AVL9: variants seen among roughly 807,000 people sequenced by gnomAD.
AVL9 encodes the protein AVL9 cell migration associated.
AVL9 carries 49 observed loss-of-function variants against 79.2 expected under a neutral mutation model. The observed-to-expected ratio is 0.62, with a 90% confidence interval of 0.49 to 0.79. The LOEUF (loss-of-function observed/expected upper bound fraction) is 0.79, where lower values mean the gene tolerates loss of function less well. AVL9 is among the 30% of genes least tolerant of loss of function. The pLI is 0.00. For synonymous variants in AVL9, 299 were observed against 280.6 expected (o/e 1.07, Z -0.65); for missense variants, 682 against 776.8 (o/e 0.88, Z 1.45).
intron 10 of AVL9, among the ~76,000 whole-genome samples, chr7:32,568,879 TAG>T (rs1372135399): frequency 1.3e-5 from 2 of 152,200 alleles, no homozygotes; most frequent in African/African-American, 4.8e-5. Context: ...TGCAAAGGTA[TAG>T]ATTTATTTTT....
At chr7:32,575,832 A>C (rs906611829) in intron 12 of AVL9, 123 bp from the exon 13 acceptor site, 1 of 656,156 alleles carries the variant, frequency 1.5e-6, no homozygotes, top group East Asian at 2.7e-5. Flanking sequence ...CTGGTAGGCT[A>C]TCTCCCCACA....
chr7:32,570,771 C>A (rs1229843032), intron 11 of AVL9, among the ~76,000 whole-genome samples: 1 of 151,394 alleles, frequency 6.6e-6, no homozygotes, highest in African/African-American at 2.4e-5. Context: ...AAGTGCCCGC[C>A]ACCACGCTCG....
chr7:32,495,680 AGTC>A lies in AVL9; in HGVS notation c.-24_-22del, dbSNP rs1786762876. On this transcript the variant is annotated 5_prime_UTR_variant, in exon 1 of 16. Transcript: ENST00000318709. ...CAGACCCGCTGCCCTTGGCGGTCGAAGTCGTCGTGCGGGCCCGCGGCGGCCGCC... is the reference window on the plus strand; with the variant it reads ...CAGACCCGCTGCCCTTGGCGGTCGAAGTCGTGCGGGCCCGCGGCGGCCGCC... 4.8e-6 allele frequency: 6 copies of A among 1,249,050 alleles called. No homozygotes were observed. Among genetic ancestry groups the A allele is most frequent in the African/African-American group, 1.6e-5 (1 of 64,460 alleles). The allele number at this position is 1,249,050 out of a possible 1,614,324, so 77.4% of individuals were successfully genotyped here. A position where few individuals can be genotyped will look rare whatever the true frequency, so the allele number is the denominator to read the frequency against.
At chr7:32,561,087 A>G (rs1007885786) in intron 10 of AVL9, among the ~76,000 whole-genome samples, 7 of 152,184 alleles carry the variant, frequency 4.6e-5, no homozygotes, top group East Asian at 3.8e-4. Context: ...CAGATTTAGC[A>G]TAACTCTGAA....
At chr7:32,507,961 A>T (rs1187028508) in intron 1 of AVL9, among the ~76,000 whole-genome samples, 2 of 151,950 alleles carry the variant, frequency 1.3e-5, no homozygotes, top group African/African-American at 4.8e-5. Context: ...TTTACATCAC[A>T]TTTTTTGATT....
intron 11 of AVL9, among the ~76,000 whole-genome samples, chr7:32,571,857 CATA>C (rs1326071358): frequency 7.9e-5 from 12 of 152,046 alleles, no homozygotes; most frequent in Admixed American, 2.0e-4. Context: ...TCAAATATTA[CATA>C]ATAAGACATT....
At chr7:32,578,563 T>C (rs1001637691) in intron 13 of AVL9, among the ~76,000 whole-genome samples, 2 of 152,144 alleles carry the variant, frequency 1.3e-5, no homozygotes, top group Non-Finnish European at 2.9e-5. Flanking sequence ...ATTCTAGCAC[T>C]TTGGGAGGCT....
At chr7:32,521,396 A>G (rs1158827998) in intron 1 of AVL9, among the ~76,000 whole-genome samples, 1 of 152,170 alleles carries the variant, frequency 6.6e-6, no homozygotes, top group East Asian at 1.9e-4. Flanking sequence ...GATTGAGATG[A>G]GGAACTTGTT....
At chr7:32,575,016 CAT>C (rs1791023618) in intron 12 of AVL9, among the ~76,000 whole-genome samples, 1 of 152,190 alleles carries the variant, frequency 6.6e-6, no homozygotes, top group Non-Finnish European at 1.5e-5. Flanking sequence ...GGAGGAAACA[CAT>C]ATGGATGCTT....
At chr7:32,547,829 A>T (rs572827503) in intron 3 of AVL9, among the ~76,000 whole-genome samples, 1 of 152,344 alleles carries the variant, frequency 6.6e-6, no homozygotes, top group African/African-American at 2.4e-5. Flanking sequence ...ATCAGTCATC[A>T]GTTGAAAACA....
chr7:32,510,633 T>G (rs55946141), intron 1 of AVL9, among the ~76,000 whole-genome samples: 3,658 of 46,396 alleles, frequency 0.079, no homozygotes, highest in Middle Eastern at 0.11. Context: ...AACTGCCCCA[T>G]TATGAGGGAA....
intron 1 of AVL9, chr7:32,534,726 T>C (rs1031291123): frequency 1.3e-5 from 2 of 152,182 alleles, no homozygotes; most frequent in African/African-American, 4.8e-5. Context: ...GGTGGATCAC[T>C]TCAGGTCAGG....
intron 1 of AVL9, among the ~76,000 whole-genome samples, chr7:32,505,482 C>G (rs1260932539): frequency 6.6e-6 from 1 of 150,950 alleles, no homozygotes; most frequent in African/African-American, 2.4e-5. Flanking sequence ...GAGATCACGC[C>G]ACTATACTCC....
intron 1 of AVL9, among the ~76,000 whole-genome samples, chr7:32,499,034 A>G (rs148805086): frequency 1 from 71,044 of 71,082 alleles, 35,504 homozygotes; most frequent in Middle Eastern, 1. Context: ...GTGGTGGCAC[A>G]TGCCTGTGAT....
chr7:32,495,988 CACA>C (rs1786787928), intron 1 of AVL9, among the ~76,000 whole-genome samples, 186 bp downstream of exon 1: 1 of 152,226 alleles, frequency 6.6e-6, no homozygotes, highest in Non-Finnish European at 1.5e-5. Flanking sequence ...GCCCAGCCCC[CACA>C]ACCTCTTCCT....
At chr7:32,514,438 A>G (rs1173045309) in intron 1 of AVL9, among the ~76,000 whole-genome samples, 1 of 152,236 alleles carries the variant, frequency 6.6e-6, no homozygotes, top group African/African-American at 2.4e-5. Context: ...CAATACTGTC[A>G]GGCCTCTGAG....
intron 10 of AVL9, among the ~76,000 whole-genome samples, chr7:32,563,658 A>T (rs1790425617): frequency 6.6e-6 from 1 of 151,964 alleles, no homozygotes; most frequent in East Asian, 1.9e-4. Flanking sequence ...TCTGGTATCC[A>T]TGAAGTGGTA....
Position 32,588,470 on chromosome 7 carries a change from GAAAA to G in AVL9, c.*4564_*4567del, listed in dbSNP as rs1358740650. ...AAGGCTTTTCACAAACCTTTTTAAA[GAAAA>G]TTTAGCTGAGAAAACTTAAAAAGTT... On this transcript the variant is annotated 3_prime_UTR_variant, in exon 16 of 16. Coordinates refer to ENST00000318709, the MANE Select transcript of AVL9 (RefSeq NM_015060.3). 6.6e-6 allele frequency: 1 copy of G among 152,124 alleles called. No individual in the cohort carries two copies. The highest frequency in any genetic ancestry group is 1.5e-5 in the Non-Finnish European group (1 of 68,008). 9.4% of individuals were successfully genotyped at this position (152,124 alleles called of 1,614,324 possible).
chr7:32,501,283 G>C (rs1260476413), intron 1 of AVL9, among the ~76,000 whole-genome samples: 1 of 152,160 alleles, frequency 6.6e-6, no homozygotes, highest in Non-Finnish European at 1.5e-5. Context: ...TGACAATAAT[G>C]AAACATTTGG....
Sources: allele counts gnomAD v4.1 joint callset (sites outside exome capture counted in the v4.1 genomes callset), GRCh38; gene constraint gnomAD v4.1.1; transcripts MANE v1.5; gene names NCBI Gene and HGNC (gene_info 2026-07-23, HGNC 2026-07-21).